The following SEC22C variants were observed in gnomAD, a reference collection of about 807,000 sequenced individuals.
The protein encoded by SEC22C is SEC22 homolog C, vesicle trafficking protein, also known as vesicle-trafficking protein SEC22c.
In SEC22C, 29 loss-of-function variants were observed where a neutral mutation model predicts 34.7. That is an observed-to-expected ratio of 0.84 (90% confidence interval 0.62 to 1.14). The LOEUF is 1.14. Among genes scored for constraint, SEC22C ranks in the 50% most tolerant of loss-of-function variants. The probability of loss-of-function intolerance (pLI) is 0.00; values close to 1 mark genes in which losing one functional copy is unlikely to be tolerated. For missense variants in SEC22C, 337 were observed against 369.0 expected, an observed-to-expected ratio of 0.91 and a Z score of 0.71; for synonymous variants, 117 against 132.8, an observed-to-expected ratio of 0.88 and a Z score of 0.82.
At chr3:42,577,362 A>C (rs973956993) in intron 1 of SEC22C, among the ~76,000 whole-genome samples, 4 of 152,220 alleles carry the variant, frequency 2.6e-5, no homozygotes, top group Non-Finnish European at 4.4e-5. Flanking sequence ...TGTAAACCAC[A>C]TATCTGATAA....
At chr3:42,600,328 C>T (rs1705242073) in intron 1 of SEC22C, 1 of 152,248 alleles carries the variant, frequency 6.6e-6, no homozygotes, top group African/African-American at 2.4e-5. Context: ...AACTCAAAGC[C>T]TCAATTCACT....
upstream of SEC22C, among the ~76,000 whole-genome samples, chr3:42,584,604 G>T (rs1313368794): frequency 6.6e-6 from 1 of 152,142 alleles, no homozygotes; most frequent in African/African-American, 2.4e-5. Flanking sequence ...AAATCGAAGT[G>T]GGGCTTACAT....
At chr3:42,554,440 G>A (rs938389223) in intron 6 of SEC22C, among the ~76,000 whole-genome samples, 1 of 152,132 alleles carries the variant, frequency 6.6e-6, no homozygotes, top group Non-Finnish European at 1.5e-5. Context: ...CACCTCCAGG[G>A]TTCAAGCAAT....
chr3:42,577,518 T>C (rs1012659277), intron 1 of SEC22C, among the ~76,000 whole-genome samples: 5 of 152,216 alleles, frequency 3.3e-5, no homozygotes, highest in Middle Eastern at 3.4e-3. Context: ...TGAAAAGATA[T>C]TGAGCTATTA....
chr3:42,596,720 T>G (rs954549646), intron 1 of SEC22C, among the ~76,000 whole-genome samples: 1 of 152,212 alleles, frequency 6.6e-6, no homozygotes, highest in Non-Finnish European at 1.5e-5. Context: ...AAATAATCTT[T>G]GAGAGAGGCA....
intron 1 of SEC22C, chr3:42,591,431 G>A: frequency 1.1e-6 from 1 of 882,550 alleles, no homozygotes. Context: ...CTGACCTCGT[G>A]ATCCGCCTAG....
At chr3:42,577,001 A>C (rs1704007147) in intron 1 of SEC22C, among the ~76,000 whole-genome samples, 1 of 152,180 alleles carries the variant, frequency 6.6e-6, no homozygotes, top group Non-Finnish European at 1.5e-5. Context: ...ATTTTTTACA[A>C]AGTGCAAAAG....
At chr3:42,585,282 G>A (rs1559534188), upstream of SEC22C, among the ~76,000 whole-genome samples, 1 of 152,160 alleles carries the variant, frequency 6.6e-6, no homozygotes, top group South Asian at 2.1e-4. Context: ...GACAACAGGG[G>A]TGAGATGTAG....
At chr3:42,567,970 G>A (rs1288897963) in intron 2 of SEC22C, among the ~76,000 whole-genome samples, 1 of 152,136 alleles carries the variant, frequency 6.6e-6, no homozygotes, top group Non-Finnish European at 1.5e-5. Flanking sequence ...TGCTCAGGAG[G>A]CTGAAGCAGA....
At chr3:42,598,937 C>T (rs1415986864) in intron 1 of SEC22C, among the ~76,000 whole-genome samples, 5 of 145,688 alleles carry the variant, frequency 3.4e-5, no homozygotes, top group African/African-American at 1.0e-4. Context: ...CTATAGATAT[C>T]TAGATATCTG....
In SEC22C at chr3:42,563,669, T is replaced by A; in HGVS notation, c.200A>T (p.Asp67Val). ...DFSIHFSSFGDVACMAICSCQ... is the reference protein window; with the variant it reads ...DFSIHFSSFGVVACMAICSCQ... The stretch of plus-strand genomic sequence containing the variant: ...GGAGCAGATAGCCATGCAGGCCACG[T>A]CCCCGAAAGAAGAAAAACTGAAACA... Residue 67 changes from aspartate (D) to valine (V), a missense_variant, in exon 3 of 7, where the codon GAC (aspartate) becomes GTC (valine). Asp to Val is a radical substitution (Grantham distance 152, BLOSUM62 -3). Transcript: ENST00000264454. The A allele has an allele frequency of 3.1e-6, 5 of 1,613,868 alleles. No homozygotes were observed. Among genetic ancestry groups the A allele is most frequent in the Non-Finnish European group, 4.2e-6 (5 of 1,179,914 alleles).
rs1194629010 is a variant in SEC22C at position 42,559,271 on chromosome 3, C to G, written c.527-1575G>C. 5.9e-5 allele frequency among the ~76,000 whole-genome samples: 9 copies of G among 152,308 alleles called. No homozygotes were observed. In the East Asian group the frequency reaches 1.5e-3, roughly 26 times the overall value. On this transcript the variant is annotated intron_variant, in intron 4 of 6. Coordinates refer to ENST00000264454, the MANE Select transcript of SEC22C (RefSeq NM_032970.4). ...GAGCAATTAAAAGTTACTGTTAGAA[C>G]AGAATATGCTACCTGTAAAGATTCT...
chr3:42,582,080 C>G (rs376037362), upstream of SEC22C: 1 of 152,272 alleles, frequency 6.6e-6, no homozygotes, highest in African/African-American at 2.4e-5. Context: ...CCACAGCCCC[C>G]GTCCCGGCGA....
chr3:42,556,021 G>T (rs1413078121), intron 5 of SEC22C, 26 bp from the exon 6 acceptor site: 7 of 1,571,896 alleles, frequency 4.5e-6, no homozygotes, highest in Non-Finnish European at 6.1e-6. Flanking sequence ...GGAACACAAG[G>T]AAAGGGATAT....
At chr3:42,591,412 C>T (rs1704834575) in intron 1 of SEC22C, 2 of 774,490 alleles carry the variant, frequency 2.6e-6, no homozygotes, top group African/African-American at 1.7e-5. Context: ...CCAGGCTAGT[C>T]TCGAACTCCT....
intron 1 of SEC22C, among the ~76,000 whole-genome samples, chr3:42,569,793 C>G (rs749060014): frequency 3.9e-5 from 6 of 152,164 alleles, no homozygotes; most frequent in Admixed American, 6.5e-5. Flanking sequence ...AGAAACAGAT[C>G]TGAACCCTCG....
At chr3:42,595,837 C>A (rs1033373962) in intron 1 of SEC22C, among the ~76,000 whole-genome samples, 8 of 152,122 alleles carry the variant, frequency 5.3e-5, no homozygotes, top group African/African-American at 1.9e-4. Flanking sequence ...TATCCCTTAA[C>A]CTCTGAAAGC....
At chr3:42,579,309 C>T (rs1287133072) in intron 1 of SEC22C, among the ~76,000 whole-genome samples, 2 of 150,094 alleles carry the variant, frequency 1.3e-5, no homozygotes, top group East Asian at 4.0e-4. Flanking sequence ...AAACAAAAAA[C>T]TAGGAAAGCA....
At chr3:42,562,665 T>G (rs971067775) in intron 3 of SEC22C, among the ~76,000 whole-genome samples, 1 of 152,046 alleles carries the variant, frequency 6.6e-6, no homozygotes, top group African/African-American at 2.4e-5. Flanking sequence ...CATCACAGAG[T>G]CAGCAGCTGT....
Sources: gnomAD v4.1 joint callset for allele counts (sites outside exome capture counted in the v4.1 genomes callset) on GRCh38, gnomAD v4.1.1 for gene constraint, MANE v1.5 for transcripts, NCBI Gene and HGNC (gene_info 2026-07-23, HGNC 2026-07-21) for gene names.